The following SYNDIG1 variants were observed in gnomAD, a reference collection of about 807,000 sequenced individuals.
SYNDIG1 encodes the protein synapse differentiation-inducing gene protein 1.
SYNDIG1 carries 9 observed loss-of-function variants against 19.4 expected under a neutral mutation model. The ratio of observed to expected loss-of-function variants is 0.46; its 90% CI spans 0.28 to 0.81. The LOEUF (loss-of-function observed/expected upper bound fraction) is 0.81. SYNDIG1 is among the 30% of genes least tolerant of loss of function. The pLI is 0.12. For synonymous variants in SYNDIG1, 141 were observed against 145.9 expected (o/e 0.97, Z 0.24); for missense variants, 311 against 343.3 (o/e 0.91, Z 0.74).
In SYNDIG1 at chr20:24,471,321, C is replaced by G. The variant is rs144746177; in HGVS notation, c.-79+1568C>G. On this transcript the variant is annotated intron_variant, in intron 1 of 3. Transcript: ENST00000376862. ...GGCGGGCGGGGGGCAGTCTGATGTC[C>G]GTTCTGGCGCGGACAGGAAGAAACT... 2.8e-3 allele frequency among the ~76,000 whole-genome samples: 424 copies of G among 152,114 alleles called. 7 individuals carry two copies. Among genetic ancestry groups the G allele is most frequent in the African/African-American group, 8.9e-3 (370 of 41,508 alleles).
chr20:24,558,818 A>G (rs183814319), intron 2 of SYNDIG1, among the ~76,000 whole-genome samples: 340 of 152,290 alleles, frequency 2.2e-3, no homozygotes, highest in Middle Eastern at 0.014. Context: ...GTACAGCCCA[A>G]TTGTCCCCAT....
intron 1 of SYNDIG1, among the ~76,000 whole-genome samples, chr20:24,481,081 A>T (rs2055782974): frequency 6.6e-6 from 1 of 152,196 alleles, no homozygotes; most frequent in Non-Finnish European, 1.5e-5. Context: ...CACACTAAGA[A>T]ATGGTTACGA....
chr20:24,546,896 A>G (rs2057588442), intron 2 of SYNDIG1, among the ~76,000 whole-genome samples: 1 of 148,950 alleles, frequency 6.7e-6, no homozygotes, highest in Non-Finnish European at 1.5e-5. Flanking sequence ...GCCAAAAAAG[A>G]AAAAAAAATG....
intron 3 of SYNDIG1, among the ~76,000 whole-genome samples, chr20:24,631,133 A>G (rs2059236578): frequency 6.6e-6 from 1 of 152,254 alleles, no homozygotes; most frequent in Admixed American, 6.5e-5. Flanking sequence ...TTTGTGACAT[A>G]CAAGGGAAAC....
chr20:24,663,181 G>C (rs907443765), intron 3 of SYNDIG1, among the ~76,000 whole-genome samples: 2 of 152,194 alleles, frequency 1.3e-5, no homozygotes, highest in African/African-American at 2.4e-5. Context: ...CAGATGCCGA[G>C]TGACGTTGCT....
chr20:24,595,885 A>G (rs982750816), intron 3 of SYNDIG1, among the ~76,000 whole-genome samples: 1 of 151,928 alleles, frequency 6.6e-6, no homozygotes, highest in Admixed American at 6.6e-5. Context: ...TATCAAGCTT[A>G]TTTATTCTTT....
At chr20:24,590,215 CCAGA>C (rs2058484684) in intron 3 of SYNDIG1, among the ~76,000 whole-genome samples, 1 of 151,956 alleles carries the variant, frequency 6.6e-6, no homozygotes, top group Non-Finnish European at 1.5e-5. Flanking sequence ...GGAGGAGCTT[CCAGA>C]CAGAGAGGCC....
intron 3 of SYNDIG1, among the ~76,000 whole-genome samples, chr20:24,650,912 T>C (rs937603501): frequency 4.6e-5 from 7 of 152,124 alleles, no homozygotes; most frequent in African/African-American, 1.7e-4. Flanking sequence ...CTCGGCTCAC[T>C]GCAACCCCCG....
chr20:24,651,443 CAGA>C (rs2059473394), intron 3 of SYNDIG1, among the ~76,000 whole-genome samples: 1 of 152,124 alleles, frequency 6.6e-6, no homozygotes, highest in South Asian at 2.1e-4. Flanking sequence ...AGTCCTGCTA[CAGA>C]AGGAGTGGCA....
intron 3 of SYNDIG1, among the ~76,000 whole-genome samples, chr20:24,627,527 C>T (rs1040565279): frequency 1.3e-5 from 2 of 152,200 alleles, no homozygotes; most frequent in Non-Finnish European, 1.5e-5. Flanking sequence ...CTGCAGTCTC[C>T]GCATTCCGAT....
chr20:24,613,057 A>C (rs2058874280), intron 3 of SYNDIG1, among the ~76,000 whole-genome samples: 1 of 152,192 alleles, frequency 6.6e-6, no homozygotes, highest in East Asian at 1.9e-4. Context: ...GGGTGAAGGC[A>C]GGGTGTCAGA....
chr20:24,638,189 T>TC (rs1396336333), intron 3 of SYNDIG1, among the ~76,000 whole-genome samples: 3 of 152,136 alleles, frequency 2.0e-5, no homozygotes, highest in African/African-American at 7.2e-5. Context: ...CCAAAGCTGG[T>TC]CACCCCAGTG....
intron 2 of SYNDIG1, among the ~76,000 whole-genome samples, chr20:24,555,823 A>G (rs932279519): frequency 1.3e-5 from 2 of 152,138 alleles, no homozygotes; most frequent in South Asian, 2.1e-4. Context: ...TATTAGGTCC[A>G]CTTGGTGCAG....
chr20:24,474,113 C>G (rs577105775), intron 1 of SYNDIG1, among the ~76,000 whole-genome samples: 7 of 152,280 alleles, frequency 4.6e-5, no homozygotes, highest in Non-Finnish European at 7.4e-5. Flanking sequence ...GGCATGTGAG[C>G]AATAGCTTAT....
intron 1 of SYNDIG1, among the ~76,000 whole-genome samples, chr20:24,473,265 T>G (rs1437136946): frequency 6.6e-6 from 1 of 152,178 alleles, no homozygotes; most frequent in African/African-American, 2.4e-5. Context: ...TTTGGGGCAG[T>G]GCACTGATAG....
intron 2 of SYNDIG1, among the ~76,000 whole-genome samples, chr20:24,580,563 C>T (rs2058305443): frequency 6.6e-6 from 1 of 152,058 alleles, no homozygotes; most frequent in African/African-American, 2.4e-5. Context: ...GCATGCACCA[C>T]GAAGCTCAGC....
At chr20:24,530,848 G>A (rs1175379489) in intron 1 of SYNDIG1, among the ~76,000 whole-genome samples, 7 of 148,706 alleles carry the variant, frequency 4.7e-5, no homozygotes, top group South Asian at 2.1e-4. Flanking sequence ...TTGTTCTGTC[G>A]CCCAGGCTGG....
intron 1 of SYNDIG1, among the ~76,000 whole-genome samples, chr20:24,476,579 A>G (rs548873906): frequency 6.6e-6 from 1 of 151,952 alleles, no homozygotes; most frequent in Admixed American, 6.6e-5. Context: ...CTGAGGCAGG[A>G]GAATGGCGTG....
intron 1 of SYNDIG1, among the ~76,000 whole-genome samples, chr20:24,483,355 T>C (rs1445722713): frequency 6.6e-6 from 1 of 152,274 alleles, no homozygotes; most frequent in Non-Finnish European, 1.5e-5. Flanking sequence ...TGTACTTTTC[T>C]GATTTTCAAC....
Sources: gnomAD v4.1 joint callset for allele counts (sites outside exome capture counted in the v4.1 genomes callset) on GRCh38, gnomAD v4.1.1 for gene constraint, MANE v1.5 for transcripts, NCBI Gene and HGNC (gene_info 2026-07-23, HGNC 2026-07-21) for gene names.